The following DHX30 variants were observed in gnomAD, a reference collection of about 807,000 sequenced individuals.
DHX30 encodes the protein ATP-dependent RNA helicase DHX30.
Under a neutral mutation model 116.9 loss-of-function variants are expected in DHX30, and 4 were observed. The observed-to-expected ratio is 0.03, with a 90% confidence interval of 0.02 to 0.08. DHX30 has a LOEUF of 0.08. Among genes scored for constraint, DHX30 ranks in the 10% least tolerant of loss-of-function variants. The pLI is 1.00. For missense variants in DHX30, 871 were observed against 1,595.1 expected, an observed-to-expected ratio of 0.55 and a Z score of 7.73; for synonymous variants, 697 against 651.7, an observed-to-expected ratio of 1.07 and a Z score of -1.06.
At chr3:47,829,314 A>ATATATATATATATT (rs1177077114) in intron 6 of DHX30, among the ~76,000 whole-genome samples, 180 bp downstream of exon 6, 3 of 34,190 alleles carry the variant, frequency 8.8e-5, no homozygotes, top group African/African-American at 2.3e-4. Flanking sequence ...ATATATATAT[A>ATATATATATATATT]TTTTTTTTTT....
In DHX30 at chr3:47,839,916, C is replaced by A. The variant is rs570404352; in HGVS notation, c.367-961C>A. Among the ~76,000 whole-genome samples, 197 of 152,140 alleles carry A rather than the reference C, an allele frequency of 1.3e-3. 3 individuals are homozygous for A. The South Asian group carries it at 0.039, about 30-fold the overall frequency. The stretch of plus-strand genomic sequence containing the variant: ...TCTCCAACTCCTGACCTCGAGTAGT[C>A]CACCTGCCTGGGCCTCCCAGAGTTC... On this transcript the variant is annotated intron_variant, in intron 6 of 21. Coordinates refer to ENST00000445061, the MANE Select transcript of DHX30 (RefSeq NM_138615.3).
At position 47,849,263 on chromosome 3, in the gene DHX30, G is replaced by A. The variant is rs2107165900; in HGVS notation, c.3001G>A (p.Ala1001Thr). Reference sequence around the variant, plus strand: ...GGGGAAGCCCTCGGACTGCACCCTGGCCTCCGCCCAGTGCAACGAGTACAG... The same window carrying A: ...GGGGAAGCCCTCGGACTGCACCCTGACCTCCGCCCAGTGCAACGAGTACAG... The part of the protein sequence containing the change: ...LVGKPSDCTL[A>T]SAQCNEYSEE... The change falls in exon 19 of 22, where the codon GCC (alanine) becomes ACC (threonine). Residue 1001 changes from alanine (A) to threonine (T), a missense_variant. Coordinates refer to ENST00000445061, the MANE Select transcript of DHX30 (RefSeq NM_138615.3). 1.2e-6 allele frequency: 2 copies of A among 1,614,128 alleles called. No individual in the cohort carries two copies. The highest frequency in any genetic ancestry group is 2.2e-5 in the East Asian group (1 of 44,880).
chr3:47,832,940 CTT>C (rs752858732), intron 6 of DHX30, among the ~76,000 whole-genome samples: 14 of 118,720 alleles, frequency 1.2e-4, no homozygotes, highest in African/African-American at 1.9e-4. Context: ...TGCCTGGCCT[CTT>C]TTTTTTTTTT....
chr3:47,803,509 G>A (rs2035384194), intron 1 of DHX30, among the ~76,000 whole-genome samples: 1 of 151,054 alleles, frequency 6.6e-6, no homozygotes, highest in African/African-American at 2.4e-5. Flanking sequence ...CGGAGGCCGT[G>A]GGAGAGGCCG....
Position 47,827,336 on chromosome 3 carries a change from T to C in DHX30, c.125-11T>C, listed in dbSNP as rs764559247. 9.4e-6 allele frequency: 15 copies of C among 1,596,660 alleles called. No homozygotes were observed. Among genetic ancestry groups the C allele is most frequent in the Admixed American group, 1.8e-5 (1 of 54,202 alleles). ...AGAACAACTGTAATGCTTTTGTTCT[T>C]ATTTTCTTAGCTTCTAGGGACCTAT... On this transcript the variant is annotated splice_polypyrimidine_tract_variant and intron_variant, in intron 4 of 21. Coordinates refer to ENST00000445061, the MANE Select transcript of DHX30 (RefSeq NM_138615.3).
chr3:47,829,818 CTTACTT>C (rs1338881565), intron 6 of DHX30, among the ~76,000 whole-genome samples: 3 of 151,836 alleles, frequency 2.0e-5, no homozygotes, highest in African/African-American at 7.2e-5. Context: ...GTAGTCCTGT[CTTACTT>C]TTTTTAAATT....
intron 4 of DHX30, among the ~76,000 whole-genome samples, chr3:47,822,610 C>T (rs2036347837): frequency 6.6e-6 from 1 of 151,768 alleles, no homozygotes; most frequent in African/African-American, 2.4e-5. Context: ...TATGGTGAAA[C>T]CCTGTCTCTA....
intron 5 of DHX30, among the ~76,000 whole-genome samples, chr3:47,827,679 A>G (rs939116438): frequency 3.3e-5 from 5 of 152,176 alleles, no homozygotes; most frequent in Non-Finnish European, 5.9e-5. Context: ...AACACAGGGC[A>G]AATGAGGTGC....
In DHX30 at chr3:47,818,996, G is replaced by C. The variant is rs1159410165; in HGVS notation, c.124+879G>C. ...GCTTTGAAGGTCAAGAGCTCAGGAGGAGTGTGGGGAACACAGAGCACCTCA... is the reference window on the plus strand; with the variant it reads ...GCTTTGAAGGTCAAGAGCTCAGGAGCAGTGTGGGGAACACAGAGCACCTCA... On this transcript the variant is annotated intron_variant, in intron 4 of 21. Coordinates refer to ENST00000445061, the MANE Select transcript of DHX30 (RefSeq NM_138615.3). 7.2e-5 allele frequency among the ~76,000 whole-genome samples: 11 copies of C among 152,186 alleles called. No homozygotes were observed. The East Asian group carries it at 2.1e-3, about 29-fold the overall frequency.
At chr3:47,840,003 CTTTT>C (rs58912618) in intron 6 of DHX30, among the ~76,000 whole-genome samples, 43 of 142,664 alleles carry the variant, frequency 3.0e-4, no homozygotes, top group African/African-American at 1.1e-3. Flanking sequence ...CTTTTCTTTT[CTTTT>C]TTTTTTTGAG....
chr3:47,809,336 G>C (rs2035684698), intron 2 of DHX30, among the ~76,000 whole-genome samples: 1 of 144,154 alleles, frequency 6.9e-6, no homozygotes, highest in African/African-American at 2.5e-5. Flanking sequence ...CTGCCTCCTG[G>C]GTTCACGCCA....
chr3:47,841,785 A>G, intron 8 of DHX30, 48 bp downstream of exon 8: 2 of 1,613,636 alleles, frequency 1.2e-6, no homozygotes, highest in Non-Finnish European at 1.7e-6. Flanking sequence ...TTACTTGGTC[A>G]TGTCTGGTGT....
chr3:47,835,170 ATTT>A (rs552610417), intron 6 of DHX30, among the ~76,000 whole-genome samples: 5 of 106,482 alleles, frequency 4.7e-5, no homozygotes, highest in African/African-American at 3.6e-5. Context: ...TGCCTGGCTA[ATTT>A]TTTTTTTTTT....
At chr3:47,817,559 C>T (rs2106967052) in intron 3 of DHX30, among the ~76,000 whole-genome samples, 3 of 152,246 alleles carry the variant, frequency 2.0e-5, no homozygotes, top group Admixed American at 2.0e-4. Flanking sequence ...TTACCCAGCT[C>T]TTGGAGGGAA....
At chr3:47,826,444 C>CTTTTTT (rs978485673) in intron 4 of DHX30, among the ~76,000 whole-genome samples, 1 of 133,958 alleles carries the variant, frequency 7.5e-6, no homozygotes, top group Non-Finnish European at 1.6e-5. Context: ...GGTTTTCTTT[C>CTTTTTT]TTTTTTTTTT....
Position 47,848,448 on chromosome 3 carries a change from CG to C in DHX30, c.2494-18del. On this transcript the variant is annotated intron_variant, in intron 15 of 21. Coordinates refer to ENST00000445061, the MANE Select transcript of DHX30 (RefSeq NM_138615.3). This position sits in a 1 kb window ranked among gnomAD's most constrained non-coding sequence, Gnocchi z 9.4. ...AGGCAGGTGGGAGGCAGGCTCATGG[CG>C]GGCTCTGGCTCTGTCATAGGCGGTG... 1 of 1,613,822 alleles carries C rather than the reference CG, an allele frequency of 6.2e-7. No individual in the cohort carries two copies. The highest frequency in any genetic ancestry group is 8.5e-7 in the Non-Finnish European group (1 of 1,179,952).
At chr3:47,821,397 C>T (rs1033839401) in intron 4 of DHX30, among the ~76,000 whole-genome samples, 3 of 152,230 alleles carry the variant, frequency 2.0e-5, no homozygotes, top group Non-Finnish European at 2.9e-5. Context: ...CCCCGAGTAC[C>T]GGGGAATACA....
At chr3:47,825,093 G>A (rs1217398581) in intron 4 of DHX30, 5 of 671,204 alleles carry the variant, frequency 7.4e-6, no homozygotes, top group Admixed American at 6.4e-5. Context: ...CTCCGCGCCT[G>A]CAGCCGCTGG....
At chr3:47,811,515 T>C (rs1185625032) in intron 3 of DHX30, among the ~76,000 whole-genome samples, 1 of 152,014 alleles carries the variant, frequency 6.6e-6, no homozygotes, top group East Asian at 1.9e-4. Flanking sequence ...CTGGTGGAAG[T>C]TGGATTGAGT....
Sources: gnomAD v4.1 joint callset for allele counts (sites outside exome capture counted in the v4.1 genomes callset) on GRCh38, gnomAD v4.1.1 for gene constraint, Gnocchi (gnomAD v3.1) non-coding constraint, MANE v1.5 for transcripts, NCBI Gene and HGNC (gene_info 2026-07-23, HGNC 2026-07-21) for gene names.